LHFPL3: variants seen among roughly 807,000 people sequenced by gnomAD.
LHFPL3 encodes LHFPL tetraspan subfamily member 3 protein.
A neutral mutation model predicts 19.3 loss-of-function variants in LHFPL3; 5 were observed. The observed-to-expected ratio is 0.26, with a 90% confidence interval of 0.14 to 0.54. LHFPL3 has a LOEUF of 0.54. Ranked by LOEUF, LHFPL3 falls within the 20% of genes least tolerant of loss-of-function variation. The pLI is 0.94. For missense variants in LHFPL3, 249 were observed against 307.4 expected, an observed-to-expected ratio of 0.81 and a Z score of 1.42; for synonymous variants, 133 against 126.2, an observed-to-expected ratio of 1.05 and a Z score of -0.36.
intron 1 of LHFPL3, among the ~76,000 whole-genome samples, chr7:104,421,550 C>G (rs1364632322): frequency 6.6e-6 from 1 of 152,078 alleles, no homozygotes; most frequent in Non-Finnish European, 1.5e-5. Flanking sequence ...GCATCTTGAA[C>G]TGGAGGAAAT....
chr7:104,461,229 A>G (rs1584335317), intron 1 of LHFPL3, among the ~76,000 whole-genome samples: 1 of 152,180 alleles, frequency 6.6e-6, no homozygotes, highest in African/African-American at 2.4e-5. Context: ...AGAACTCACT[A>G]TTACGAGAAC....
At chr7:104,599,039 C>T (rs1220037311) in intron 1 of LHFPL3, among the ~76,000 whole-genome samples, 2 of 152,078 alleles carry the variant, frequency 1.3e-5, no homozygotes, top group Non-Finnish European at 2.9e-5. Flanking sequence ...TTAAAACTCC[C>T]CTCATATGAG....
chr7:104,749,505 C>A (rs1794118869), intron 2 of LHFPL3, among the ~76,000 whole-genome samples: 2 of 152,374 alleles, frequency 1.3e-5, no homozygotes, highest in South Asian at 4.1e-4. Context: ...TTTTCGCAAT[C>A]CTGCTCCGCC....
rs368645632 is a variant in LHFPL3 at position 104,865,925 on chromosome 7, G to A, written c.683-40262G>A. 1.7e-4 allele frequency among the ~76,000 whole-genome samples: 26 copies of A among 152,170 alleles called. No individual in the cohort carries two copies. In the East Asian group the frequency reaches 1.9e-3, roughly 11 times the overall value. ...AAGAGAGTGGGGGCCAATATTCAAC[G>A]TTCTTAAAGAAAAGAATTTTCAACC... is the stretch of plus-strand genomic sequence containing the variant. On this transcript the variant is annotated intron_variant, in intron 2 of 2. Coordinates refer to ENST00000424859, the MANE Select transcript of LHFPL3 (RefSeq NM_199000.3).
intron 1 of LHFPL3, among the ~76,000 whole-genome samples, chr7:104,717,473 C>A (rs1793409639): frequency 6.6e-6 from 1 of 152,008 alleles, no homozygotes; most frequent in South Asian, 2.1e-4. Context: ...AAACTAATAA[C>A]CTGATTTTAA....
chr7:104,908,314 T>A lies in LHFPL3; in HGVS notation c.*2099T>A, dbSNP rs762288475. ...TGCTCTGAAGATGGGTCATTGACGA[T>A]GTACCATTTGTATATAGGTAATACA... On this transcript the variant is annotated 3_prime_UTR_variant, in exon 3 of 3. Coordinates refer to ENST00000424859, the MANE Select transcript of LHFPL3 (RefSeq NM_199000.3). Among the ~76,000 whole-genome samples, 20 of 152,176 alleles carry A rather than the reference T, an allele frequency of 1.3e-4. No individual in the cohort carries two copies. Among genetic ancestry groups the A allele is most frequent in the Admixed American group, 2.6e-4 (4 of 15,284 alleles).
rs778309233 is a variant in LHFPL3 at position 104,906,245 on chromosome 7, AAATCGAATAACAGCTAAACG to A, written c.*46_*65del. ...AAAACAAATCGAATAACAGCTAAAC[AAATCGAATAACAGCTAAACG>A]AATCGAATAACAGCTTTTGTACATC... On this transcript the variant is annotated 3_prime_UTR_variant, in exon 3 of 3. Coordinates refer to ENST00000424859, the MANE Select transcript of LHFPL3 (RefSeq NM_199000.3). 1.6e-5 allele frequency: 25 copies of A among 1,599,526 alleles called. No individual in the cohort carries two copies. In the East Asian group the frequency reaches 4.3e-4, roughly 27 times the overall value.
At chr7:104,796,656 A>G (rs2116461665) in intron 2 of LHFPL3, 1 of 152,732 alleles carries the variant, frequency 6.5e-6, no homozygotes, top group South Asian at 2.1e-4. Flanking sequence ...TCAGCTTATT[A>G]GTTTGGATGG....
intron 2 of LHFPL3, among the ~76,000 whole-genome samples, chr7:104,812,003 TA>T (rs1417322326): frequency 3.9e-5 from 6 of 152,226 alleles, no homozygotes; most frequent in Admixed American, 3.3e-4. Flanking sequence ...TACAAAGAAT[TA>T]TTTCTCAAAT....
intron 1 of LHFPL3, among the ~76,000 whole-genome samples, chr7:104,573,403 C>T (rs1413977242): frequency 7.5e-6 from 1 of 133,680 alleles, no homozygotes; most frequent in Non-Finnish European, 1.6e-5. Context: ...TAGAGTAAGA[C>T]CATCTCAAAA....
At chr7:104,409,285 A>T (rs1791486872) in intron 1 of LHFPL3, among the ~76,000 whole-genome samples, 1 of 150,068 alleles carries the variant, frequency 6.7e-6, no homozygotes, top group Admixed American at 6.6e-5. Flanking sequence ...TTGAATTGCT[A>T]AAAACTTACT....
At chr7:104,887,918 TTTTA>T (rs1301807242) in intron 2 of LHFPL3, among the ~76,000 whole-genome samples, 2 of 151,968 alleles carry the variant, frequency 1.3e-5, no homozygotes, top group Non-Finnish European at 2.9e-5. Context: ...TGTTTGGGGG[TTTTA>T]TTTGTGACAA....
chr7:104,554,680 T>TAGAC (rs1434689852), intron 1 of LHFPL3, among the ~76,000 whole-genome samples: 1 of 146,328 alleles, frequency 6.8e-6, no homozygotes, highest in Non-Finnish European at 1.5e-5. Context: ...GATAGATAGA[T>TAGAC]AGATAGATAG....
intron 1 of LHFPL3, among the ~76,000 whole-genome samples, chr7:104,715,824 A>G (rs1227854207): frequency 6.6e-6 from 1 of 152,166 alleles, no homozygotes. Flanking sequence ...TTGCATCCGT[A>G]CTTATCAGGG....
chr7:104,669,837 C>T (rs1792436670), intron 1 of LHFPL3, among the ~76,000 whole-genome samples: 1 of 152,142 alleles, frequency 6.6e-6, no homozygotes, highest in Non-Finnish European at 1.5e-5. Context: ...GTTATGTCAC[C>T]ATGCAGTTGC....
intron 1 of LHFPL3, among the ~76,000 whole-genome samples, chr7:104,553,794 G>C (rs576745315): frequency 1.3e-5 from 2 of 152,166 alleles, no homozygotes; most frequent in Non-Finnish European, 1.5e-5. Flanking sequence ...GACATTTCAT[G>C]CTGAGAAGTA....
chr7:104,550,458 C>T (rs1490324899), intron 1 of LHFPL3, among the ~76,000 whole-genome samples: 1 of 152,132 alleles, frequency 6.6e-6, no homozygotes, highest in African/African-American at 2.4e-5. Context: ...GGAAAGGACA[C>T]TCTGTCCAAA....
At chr7:104,838,503 TATTA>T (rs942455852) in intron 2 of LHFPL3, among the ~76,000 whole-genome samples, 7 of 152,228 alleles carry the variant, frequency 4.6e-5, no homozygotes, top group African/African-American at 1.2e-4. Flanking sequence ...CTGTATTGTT[TATTA>T]ATTATTTTAC....
intron 2 of LHFPL3, chr7:104,738,924 G>T (rs1793880496): frequency 6.6e-6 from 1 of 152,058 alleles, no homozygotes; most frequent in Admixed American, 6.5e-5. Flanking sequence ...TTCTCCATTT[G>T]CATATGTGAC....
Sources: gnomAD v4.1 joint callset for allele counts (sites outside exome capture counted in the v4.1 genomes callset) on GRCh38, gnomAD v4.1.1 for gene constraint, MANE v1.5 for transcripts, NCBI Gene and HGNC (gene_info 2026-07-23, HGNC 2026-07-21) for gene names.